The following ZZZ3 variants were observed in gnomAD, a reference collection of about 807,000 sequenced individuals.
ZZZ3 encodes ZZ-type zinc finger-containing protein 3.
ZZZ3 carries 22 observed loss-of-function variants against 95.2 expected under a neutral mutation model. The observed-to-expected ratio is 0.23, with a 90% CI of 0.17 to 0.33. ZZZ3 has a LOEUF of 0.33. Among genes scored for constraint, ZZZ3 ranks in the 10% least tolerant of loss-of-function variants. The pLI is 1.00. For missense variants in ZZZ3, 885 were observed against 1,066.5 expected (o/e 0.83, Z 2.37); for synonymous variants, 335 against 358.9 (o/e 0.93, Z 0.75).
chr1:77,581,377 A>C (rs561578318), intron 8 of ZZZ3, among the ~76,000 whole-genome samples: 9 of 152,324 alleles, frequency 5.9e-5, no homozygotes, highest in Non-Finnish European at 1.0e-4. Flanking sequence ...GGTTCATCTA[A>C]CTAAGAGTGG....
At chr1:77,612,346 T>C (rs942071230) in intron 5 of ZZZ3, among the ~76,000 whole-genome samples, 1 of 151,984 alleles carries the variant, frequency 6.6e-6, no homozygotes, top group African/African-American at 2.4e-5. Context: ...TTGGTGGAAA[T>C]GTAGATTGAT....
chr1:77,608,880 G>GA (rs1349982903), intron 5 of ZZZ3, among the ~76,000 whole-genome samples: 10 of 151,328 alleles, frequency 6.6e-5, no homozygotes. Flanking sequence ...TACCTCAAAT[G>GA]AAAAAACATA....
At chr1:77,628,087 A>T (rs1667480917) in intron 5 of ZZZ3, among the ~76,000 whole-genome samples, 1 of 152,208 alleles carries the variant, frequency 6.6e-6, no homozygotes, top group Admixed American at 6.5e-5. Flanking sequence ...CAGACCTTCA[A>T]AATTTAGAGA....
At chr1:77,658,526 T>TTC (rs752894841) in intron 1 of ZZZ3, among the ~76,000 whole-genome samples, 57 of 148,410 alleles carry the variant, frequency 3.8e-4, no homozygotes, top group African/African-American at 8.3e-4. Flanking sequence ...TTTTTTTTTT[T>TTC]TTCTTCTTCT....
At chr1:77,671,728 AT>A (rs1463539110) in intron 1 of ZZZ3, among the ~76,000 whole-genome samples, 1 of 152,144 alleles carries the variant, frequency 6.6e-6, no homozygotes, top group Non-Finnish European at 1.5e-5. Context: ...AGTTATTAGT[AT>A]TACTTCTATA....
intron 5 of ZZZ3, among the ~76,000 whole-genome samples, chr1:77,589,519 C>T (rs1663456208): frequency 6.6e-6 from 1 of 151,742 alleles, no homozygotes; most frequent in South Asian, 2.1e-4. Context: ...CTCACTGCGG[C>T]CTCAAACTCC....
chr1:77,639,486 C>G lies in ZZZ3; in HGVS notation c.-89G>C, dbSNP rs1480704381. ...AGATCTATCATTGTGGAAATATAAT[C>G]TCTTTTCCTTATATCCTGAAGGAGT... On this transcript the variant is annotated 5_prime_UTR_variant, in exon 4 of 15. Coordinates refer to ENST00000370801, the MANE Select transcript of ZZZ3 (RefSeq NM_015534.6). 1 of 1,508,832 alleles carries G rather than the reference C, an allele frequency of 6.6e-7. No homozygotes were observed. The highest frequency in any genetic ancestry group is 1.3e-5 in the South Asian group (1 of 75,254). The allele number at this position is 1,508,832 out of a possible 1,614,324, so 93.5% of individuals were successfully genotyped here.
intron 5 of ZZZ3, among the ~76,000 whole-genome samples, chr1:77,609,301 A>T (rs1359067277): frequency 6.6e-6 from 1 of 152,192 alleles, no homozygotes; most frequent in Non-Finnish European, 1.5e-5. Flanking sequence ...GAAGGTCACT[A>T]TGTAATGATG....
chr1:77,624,273 A>C (rs1667141235), intron 5 of ZZZ3, among the ~76,000 whole-genome samples: 1 of 152,112 alleles, frequency 6.6e-6, no homozygotes, highest in Non-Finnish European at 1.5e-5. Flanking sequence ...AGAGTTCCTG[A>C]ATCCCTTAGA....
intron 5 of ZZZ3, among the ~76,000 whole-genome samples, chr1:77,617,878 G>A (rs1666469080): frequency 6.6e-6 from 1 of 152,088 alleles, no homozygotes; most frequent in African/African-American, 2.4e-5. Context: ...CCAGAAGGCG[G>A]AGGTTGCAGT....
chr1:77,648,600 T>C (rs1669516173), intron 1 of ZZZ3, among the ~76,000 whole-genome samples: 1 of 152,114 alleles, frequency 6.6e-6, no homozygotes, highest in Non-Finnish European at 1.5e-5. Context: ...ATGAAAAATA[T>C]GCTGGGATTA....
chr1:77,576,254 T>C, intron 11 of ZZZ3, 34 bp from the exon 12 acceptor site: 1 of 1,529,686 alleles, frequency 6.5e-7, no homozygotes. Context: ...ATTGGTTCAG[T>C]GAAAAATCAT....
At position 77,667,763 on chromosome 1, in the gene ZZZ3, C is replaced by CTT. The variant is rs34939314; in HGVS notation, c.-403+14820_-403+14821dup. On this transcript the variant is annotated intron_variant, in intron 1 of 14. Transcript: ENST00000370801. ...ATATACCATTAGTTAAATGGGTATT[C>CTT]TTTTTTTTTTTTTTTTTTTTGAGAG... Among the ~76,000 whole-genome samples the CTT allele has an allele frequency of 1.5e-3, 174 of 115,056 alleles. 1 individual carries two copies. Among genetic ancestry groups the CTT allele is most frequent in the East Asian group, 4.2e-3 (17 of 4,074 alleles). 75.5% of individuals were successfully genotyped at this position (115,056 alleles called of 152,430 possible).
At chr1:77,591,659 A>T (rs1663714214) in intron 5 of ZZZ3, among the ~76,000 whole-genome samples, 1 of 152,224 alleles carries the variant, frequency 6.6e-6, no homozygotes, top group Admixed American at 6.5e-5. Context: ...ATAAAACTCC[A>T]GAAGTCAATG....
intron 5 of ZZZ3, among the ~76,000 whole-genome samples, chr1:77,622,174 G>A (rs2100793557): frequency 1.3e-5 from 2 of 151,040 alleles, no homozygotes; most frequent in East Asian, 3.9e-4. Context: ...AGGTGTGGTG[G>A]CACACACCTG....
intron 1 of ZZZ3, among the ~76,000 whole-genome samples, chr1:77,666,354 G>A (rs1671249703): frequency 6.6e-6 from 1 of 152,060 alleles, no homozygotes; most frequent in Non-Finnish European, 1.5e-5. Flanking sequence ...CCAACACAGT[G>A]AAACCCTGCC....
chr1:77,595,244 G>C (rs1344938821), intron 5 of ZZZ3, among the ~76,000 whole-genome samples: 1 of 151,964 alleles, frequency 6.6e-6, no homozygotes, highest in Non-Finnish European at 1.5e-5. Flanking sequence ...TGAATTCCTA[G>C]AATTTGCCAG....
At chr1:77,664,328 G>C (rs1671075088) in intron 1 of ZZZ3, among the ~76,000 whole-genome samples, 1 of 152,186 alleles carries the variant, frequency 6.6e-6, no homozygotes, top group Middle Eastern at 3.4e-3. Context: ...TCAATTCCTA[G>C]AAAACTCTTA....
At chr1:77,571,410 T>C (rs925992372) in intron 12 of ZZZ3, among the ~76,000 whole-genome samples, 3 of 152,160 alleles carry the variant, frequency 2.0e-5, no homozygotes, top group African/African-American at 7.2e-5. Flanking sequence ...CTCAAAAAAT[T>C]TAGCATAAAA....
Sources: allele counts gnomAD v4.1 joint callset (sites outside exome capture counted in the v4.1 genomes callset), GRCh38; gene constraint gnomAD v4.1.1; transcripts MANE v1.5; gene names NCBI Gene and HGNC (gene_info 2026-07-23, HGNC 2026-07-21).